The following EFL1 variants were observed in gnomAD, a reference collection of about 807,000 sequenced individuals.
EFL1 encodes elongation factor like GTPase 1, also known as elongation factor-like GTPase 1.
EFL1 carries 76 observed loss-of-function variants against 126.7 expected under a neutral mutation model. That is an observed-to-expected ratio of 0.60 (90% CI 0.50 to 0.73). The LOEUF is 0.73. Ranked by LOEUF, EFL1 falls within the 30% of genes least tolerant of loss-of-function variation. The probability of loss-of-function intolerance (pLI) is 0.00; values close to 1 mark genes in which losing one functional copy is unlikely to be tolerated. For missense variants in EFL1, 1,128 were observed against 1,343.2 expected (o/e 0.84, Z 2.50); for synonymous variants, 410 against 448.4 (o/e 0.91, Z 1.08).
At chr15:82,174,867 C>T (rs1021834978) in intron 15 of EFL1, among the ~76,000 whole-genome samples, 6 of 152,190 alleles carry the variant, frequency 3.9e-5, no homozygotes, top group East Asian at 1.9e-4. Context: ...ATATTTTCTA[C>T]GAAGTCAATT....
At chr15:82,198,633 A>G (rs1464711870) in intron 15 of EFL1, among the ~76,000 whole-genome samples, 1 of 152,178 alleles carries the variant, frequency 6.6e-6, no homozygotes, top group African/African-American at 2.4e-5. Flanking sequence ...AAAACCCAAG[A>G]CATGGACAGT....
chr15:82,201,882 T>C (rs1171295839), intron 15 of EFL1, among the ~76,000 whole-genome samples: 3 of 149,666 alleles, frequency 2.0e-5, no homozygotes, highest in African/African-American at 7.4e-5. Flanking sequence ...AGTAGAAAAC[T>C]CTCTCCCTCC....
At chr15:82,184,841 T>C (rs892807923) in intron 15 of EFL1, among the ~76,000 whole-genome samples, 1 of 152,162 alleles carries the variant, frequency 6.6e-6, no homozygotes, top group African/African-American at 2.4e-5. Context: ...ATCTACTATA[T>C]GGTGAAAACA....
chr15:82,218,457 T>G (rs1201742780), intron 14 of EFL1, among the ~76,000 whole-genome samples: 1 of 152,166 alleles, frequency 6.6e-6, no homozygotes, highest in Non-Finnish European at 1.5e-5. Context: ...AGACACATTA[T>G]GCAGAGATAA....
chr15:82,227,351 G>A (rs1158771736), intron 11 of EFL1, 99 bp downstream of exon 11: 7 of 1,561,410 alleles, frequency 4.5e-6, no homozygotes, highest in Non-Finnish European at 6.1e-6. Context: ...TGGCAAATTG[G>A]CCATTTAGCA....
intron 7 of EFL1, among the ~76,000 whole-genome samples, chr15:82,236,530 T>C (rs2074874181): frequency 6.6e-6 from 1 of 152,182 alleles, no homozygotes. Flanking sequence ...TATGTCCAAG[T>C]GATTTTGACA....
At chr15:82,229,726 C>A (rs2074801672) in intron 8 of EFL1, among the ~76,000 whole-genome samples, 1 of 152,076 alleles carries the variant, frequency 6.6e-6, no homozygotes, top group Non-Finnish European at 1.5e-5. Context: ...AAAAAAGCAT[C>A]ATGAAGACAT....
chr15:82,142,882 C>A (rs1174475984), intron 18 of EFL1, among the ~76,000 whole-genome samples: 1 of 152,168 alleles, frequency 6.6e-6, no homozygotes, highest in East Asian at 1.9e-4. Flanking sequence ...AAGGCCCATT[C>A]AAAAATTACT....
chr15:82,221,885 C>G (rs2074715926), intron 12 of EFL1, among the ~76,000 whole-genome samples: 1 of 152,236 alleles, frequency 6.6e-6, no homozygotes, highest in African/African-American at 2.4e-5. Context: ...AACAAACCTA[C>G]TTCCCTCTCC....
intron 3 of EFL1, 98 bp from the exon 4 acceptor site, chr15:82,252,873 A>T (rs4344697): frequency 0.61 from 491,890 of 806,544 alleles, 154,831 homozygotes; most frequent in African/African-American, 0.9. Flanking sequence ...ACTTATATTT[A>T]ATTTGTTATT....
At chr15:82,240,157 T>C (rs2141326248) in intron 6 of EFL1, among the ~76,000 whole-genome samples, 1 of 152,218 alleles carries the variant, frequency 6.6e-6, no homozygotes, top group East Asian at 1.9e-4. Context: ...AATCCTAATA[T>C]GGCTTCACTT....
chr15:82,203,408 G>A (rs1567061638), intron 15 of EFL1, among the ~76,000 whole-genome samples: 1 of 152,062 alleles, frequency 6.6e-6, no homozygotes, highest in Non-Finnish European at 1.5e-5. Flanking sequence ...TCGCTCTGTC[G>A]CCCAAGCTGG....
chr15:82,225,861 T>C (rs377324850), intron 11 of EFL1, among the ~76,000 whole-genome samples: 1 of 152,222 alleles, frequency 6.6e-6, no homozygotes, highest in South Asian at 2.1e-4. Flanking sequence ...CCTTAACCTA[T>C]ACTGGAGGTA....
intron 15 of EFL1, among the ~76,000 whole-genome samples, chr15:82,184,577 C>G (rs965345583): frequency 5.9e-5 from 9 of 152,166 alleles, no homozygotes; most frequent in Non-Finnish European, 1.3e-4. Context: ...CCCAGCAGGA[C>G]CAACCACAAA....
At chr15:82,159,358 A>C (rs562240266) in intron 16 of EFL1, among the ~76,000 whole-genome samples, 2 of 152,216 alleles carry the variant, frequency 1.3e-5, no homozygotes, top group Non-Finnish European at 2.9e-5. Context: ...TATAAAGTAA[A>C]AACAATGGTT....
At chr15:82,149,165 TTAAAA>T (rs1380521874) in intron 18 of EFL1, among the ~76,000 whole-genome samples, 1 of 152,188 alleles carries the variant, frequency 6.6e-6, no homozygotes, top group African/African-American at 2.4e-5. Flanking sequence ...TTTCTTGCCA[TTAAAA>T]TTTTTCTCCT....
At chr15:82,168,340 T>C (rs1230117136) in intron 15 of EFL1, among the ~76,000 whole-genome samples, 6 of 152,164 alleles carry the variant, frequency 3.9e-5, no homozygotes, top group African/African-American at 1.4e-4. Context: ...TTAGCTAAGG[T>C]TTTCAGAAGA....
chr15:82,136,774 C>T (rs2073726634), intron 19 of EFL1, among the ~76,000 whole-genome samples: 1 of 152,102 alleles, frequency 6.6e-6, no homozygotes, highest in African/African-American at 2.4e-5. Context: ...TTACTACCCA[C>T]AAGCACAGGA....
At chr15:82,163,795 C>A in intron 16 of EFL1, 58 bp downstream of exon 16, 4 of 1,570,386 alleles carry the variant, frequency 2.5e-6, no homozygotes, top group Non-Finnish European at 3.5e-6. Flanking sequence ...ATACTAAATA[C>A]ATGCATATGC....
Sources: gnomAD v4.1 joint callset for allele counts (sites outside exome capture counted in the v4.1 genomes callset) on GRCh38, gnomAD v4.1.1 for gene constraint, MANE v1.5 for transcripts, NCBI Gene and HGNC (gene_info 2026-07-23, HGNC 2026-07-21) for gene names.